RAB5A: variants seen among roughly 807,000 people sequenced by gnomAD.
RAB5A encodes the protein ras-related protein Rab-5A.
A neutral mutation model predicts 25.7 loss-of-function variants in RAB5A; 8 were observed. That is an observed-to-expected ratio of 0.31 (90% CI 0.18 to 0.56). The LOEUF is 0.56. Among genes scored for constraint, RAB5A ranks in the 20% least tolerant of loss-of-function variants. The probability of loss-of-function intolerance (pLI) is 0.91; values close to 1 mark genes in which losing one functional copy is unlikely to be tolerated. For synonymous variants in RAB5A, 98 were observed against 89.8 expected (o/e 1.09, Z -0.52); for missense variants, 192 against 259.7 (o/e 0.74, Z 1.79).
intron 2 of RAB5A, among the ~76,000 whole-genome samples, chr3:19,952,108 G>C (rs1696433248): frequency 6.6e-6 from 1 of 152,154 alleles, no homozygotes; most frequent in Non-Finnish European, 1.5e-5. Flanking sequence ...CAGGTATTTG[G>C]AGGCTGAGGC....
intron 2 of RAB5A, among the ~76,000 whole-genome samples, chr3:19,969,870 A>G (rs565736329): frequency 2.0e-5 from 3 of 152,186 alleles, no homozygotes; most frequent in Non-Finnish European, 4.4e-5. Context: ...CAGTGGCACA[A>G]TCTCGGCTCT....
At position 19,984,770 on chromosome 3, in the gene RAB5A, G is replaced by A. The variant is rs1559495019; in HGVS notation, c.*947G>A. 1 of 152,880 alleles carries A rather than the reference G, an allele frequency of 6.5e-6. No individual in the cohort carries two copies. Among genetic ancestry groups the A allele is most frequent in the Non-Finnish European group, 1.5e-5 (1 of 68,328 alleles). The allele number at this position is 152,880 out of a possible 1,614,324, so 9.5% of individuals were successfully genotyped here. A position where few individuals can be genotyped will look rare whatever the true frequency, so the allele number is the denominator to read the frequency against. The stretch of plus-strand genomic sequence containing the variant: ...TGTATTACTTTTCTGTAATATTTAA[G>A]AGTTGCTTAAAAGCATACAAAATGT... On this transcript the variant is annotated 3_prime_UTR_variant, in exon 6 of 6. Transcript: ENST00000273047.
At chr3:19,982,933 T>A (rs1308188188) in intron 5 of RAB5A, among the ~76,000 whole-genome samples, 1 of 152,204 alleles carries the variant, frequency 6.6e-6, no homozygotes, top group Admixed American at 6.5e-5. Context: ...GTATCCTGAC[T>A]TGTTCTAAAA....
rs565227284 is a variant in RAB5A, at chr3:19,963,102, C to T, written c.163+12041C>T. Among the ~76,000 whole-genome samples the T allele has an allele frequency of 8.5e-4, 130 of 152,280 alleles. 2 individuals carry two copies. Among genetic ancestry groups the T allele is most frequent in the South Asian group, 6.2e-4 (3 of 4,820 alleles). On this transcript the variant is annotated intron_variant, in intron 2 of 5. Coordinates refer to ENST00000273047, the MANE Select transcript of RAB5A (RefSeq NM_004162.5). ...GGGATTAAAGGCATGAGCCACCATGCCCAGCCTGTGTTTAGTTTTTCTGTG... is the reference window on the plus strand; with the variant it reads ...GGGATTAAAGGCATGAGCCACCATGTCCAGCCTGTGTTTAGTTTTTCTGTG...
At chr3:19,964,879 C>T (rs530652645) in intron 2 of RAB5A, among the ~76,000 whole-genome samples, 229 of 151,974 alleles carry the variant, frequency 1.5e-3, no homozygotes, top group Non-Finnish European at 2.7e-3. Context: ...TAGAATTACA[C>T]AGACGGGAGC....
At chr3:19,949,541 A>G (rs573026613) in intron 1 of RAB5A, among the ~76,000 whole-genome samples, 1 of 152,306 alleles carries the variant, frequency 6.6e-6, no homozygotes, top group African/African-American at 2.4e-5. Context: ...TAAATGAAAT[A>G]TAGCAGGGTT....
chr3:19,970,513 G>A, intron 2 of RAB5A: 1 of 456,612 alleles, frequency 2.2e-6, no homozygotes, highest in Non-Finnish European at 4.4e-6. Context: ...TCTCAACGCA[G>A]CTTTGTTTTT....
chr3:19,982,567 C>T (rs553054761), intron 5 of RAB5A, among the ~76,000 whole-genome samples: 28 of 152,114 alleles, frequency 1.8e-4, no homozygotes, highest in Admixed American at 9.2e-4. Context: ...AAAAACTAAG[C>T]GGTCGAGCAT....
chr3:19,978,194 A>G, intron 4 of RAB5A, 116 bp from the exon 5 acceptor site: 3 of 738,284 alleles, frequency 4.1e-6, no homozygotes, highest in Admixed American at 4.6e-5. Context: ...ATAGATGATT[A>G]TAGGAATCAG....
intron 1 of RAB5A, 143 bp from the exon 2 acceptor site, chr3:19,950,663 T>A: frequency 2.6e-6 from 1 of 381,088 alleles, no homozygotes; most frequent in South Asian, 8.1e-5. Context: ...TTGAATTTCC[T>A]TTAAAAGATA....
chr3:19,983,831 G>T lies in RAB5A; in HGVS notation c.*8G>T, dbSNP rs748637097. 53 of 1,539,680 alleles carry T rather than the reference G, an allele frequency of 3.4e-5. 2 individuals are homozygous for T. In the Middle Eastern group the frequency reaches 1.7e-3, roughly 49 times the overall value. On this transcript the variant is annotated 3_prime_UTR_variant, in exon 6 of 6. Coordinates refer to ENST00000273047, the MANE Select transcript of RAB5A (RefSeq NM_004162.5). ...CAGTGTTGTAGTAACTAAACCTCTA[G>T]TTTGAACTAGCTGGAATAGTCTTCT...
intron 2 of RAB5A, among the ~76,000 whole-genome samples, chr3:19,966,142 A>G (rs1430067812): frequency 1.3e-5 from 2 of 152,174 alleles, no homozygotes; most frequent in Admixed American, 6.5e-5. Context: ...TTGTGTAACT[A>G]TCCAAAACTT....
chr3:19,959,238 A>G (rs1288914213), intron 2 of RAB5A, among the ~76,000 whole-genome samples: 2 of 152,178 alleles, frequency 1.3e-5, no homozygotes. Flanking sequence ...TAGGTTGTCT[A>G]AAGCAAATCA....
intron 5 of RAB5A, among the ~76,000 whole-genome samples, chr3:19,981,308 T>C (rs1387759868): frequency 6.6e-6 from 1 of 152,122 alleles, no homozygotes; most frequent in Admixed American, 6.5e-5. Flanking sequence ...CCATCATAAA[T>C]TAAAAATATC....
Position 19,978,315 on chromosome 3 carries a change from A to G in RAB5A, c.444A>G (p.Ala148=). 1.2e-6 allele frequency: 2 copies of G among 1,605,882 alleles called. No individual in the cohort carries two copies. The highest frequency in any genetic ancestry group is 1.7e-6 in the Non-Finnish European group (2 of 1,173,152). ...ANKRAVDFQE[A]QSYADDNSLL... is the part of the protein sequence containing the mutation. ...ATTTTTTGTTCTGTAAACAGGAAGCACAGTCCTATGCAGATGACAATAGTT... is the reference window on the plus strand; with the variant it reads ...ATTTTTTGTTCTGTAAACAGGAAGCGCAGTCCTATGCAGATGACAATAGTT... The change falls in exon 5 of 6, where the codon GCA becomes GCG. Residue 148 remains alanine (A), a synonymous_variant. Transcript: ENST00000273047.
At chr3:19,959,328 TTGAG>T (rs2125182420) in intron 2 of RAB5A, among the ~76,000 whole-genome samples, 1 of 152,276 alleles carries the variant, frequency 6.6e-6, no homozygotes, top group African/African-American at 2.4e-5. Context: ...GAGAGACAGA[TTGAG>T]TGAACATTGT....
chr3:19,978,186 A>C (rs1455895918), intron 4 of RAB5A, 124 bp from the exon 5 acceptor site: 2 of 718,066 alleles, frequency 2.8e-6, no homozygotes, highest in Non-Finnish European at 5.0e-6. Context: ...TGTTGATTAT[A>C]GATGATTATA....
At chr3:19,974,638 G>A (rs1401521980) in intron 2 of RAB5A, among the ~76,000 whole-genome samples, 2 of 151,928 alleles carry the variant, frequency 1.3e-5, no homozygotes, top group East Asian at 1.9e-4. Flanking sequence ...TATAGCAAGA[G>A]GCCTGGTACG....
chr3:19,978,225 T>G (rs922969290), intron 4 of RAB5A, 85 bp from the exon 5 acceptor site: 2 of 874,778 alleles, frequency 2.3e-6, no homozygotes, highest in African/African-American at 3.4e-5. Context: ...TAAGAAAGTC[T>G]CCTTTTCTAT....
Sources: allele counts gnomAD v4.1 joint callset (sites outside exome capture counted in the v4.1 genomes callset), GRCh38; gene constraint gnomAD v4.1.1; transcripts MANE v1.5; gene names NCBI Gene and HGNC (gene_info 2026-07-23, HGNC 2026-07-21).